Variants in NEU1 observed in about 807,000 individuals in gnomAD.
NEU1 encodes neuraminidase 1, also known as sialidase-1.
A neutral mutation model predicts 38.3 loss-of-function variants in NEU1; 32 were observed. That is an observed-to-expected ratio of 0.84 (90% CI 0.63 to 1.12). NEU1 has a LOEUF of 1.12. Among genes scored for constraint, NEU1 ranks in the 50% most tolerant of loss-of-function variants. The pLI, the probability that NEU1 is intolerant of heterozygous loss-of-function variation, is 0.00. For synonymous variants in NEU1, 192 were observed against 225.2 expected, an observed-to-expected ratio of 0.85 and a Z score of 1.32; for missense variants, 431 against 549.2, an observed-to-expected ratio of 0.78 and a Z score of 2.15.
chr6:31,860,983 A>G lies in NEU1; in HGVS notation c.615+205T>C. The G allele has an allele frequency of 1.5e-6, 1 of 687,222 alleles. No individual in the cohort carries two copies. The highest frequency in any genetic ancestry group is 2.4e-6 in the Non-Finnish European group (1 of 412,270). The allele number at this position is 687,222 out of a possible 1,614,324, so 42.6% of individuals were successfully genotyped here. A position where few individuals can be genotyped will look rare whatever the true frequency, so the allele number is the denominator to read the frequency against. On this transcript the variant is annotated intron_variant, in intron 3 of 5. Transcript: ENST00000375631. The surrounding 1 kb of genome is among the most constrained non-coding windows in gnomAD (Gnocchi z 4.8). ...TGCATGGACTAACGCAGTCCTGTTG[A>G]CAATGCCAAATGGGAAGCCAATGGC...
chr6:31,860,310 C>G lies in NEU1; in HGVS notation c.799-46G>C. The G allele has an allele frequency of 6.2e-7, 1 of 1,608,524 alleles. No homozygotes were observed. Among genetic ancestry groups the G allele is most frequent in the Non-Finnish European group, 8.5e-7 (1 of 1,175,476 alleles). ...CTCAGGGAGGGAACAGGGAAAATGC[C>G]CTGTCCCCGAGGGGAGCAAGGGTGT... On this transcript the variant is annotated intron_variant, in intron 4 of 5. Transcript: ENST00000375631. This position sits in a 1 kb window ranked among gnomAD's most constrained non-coding sequence, Gnocchi z 4.8.
Position 31,862,316 on chromosome 6 carries a change from G to A in NEU1, c.160-125C>T, listed in dbSNP as rs1581823965. The A allele has an allele frequency of 9.0e-7, 1 of 1,115,722 alleles. No individual in the cohort carries two copies. The highest frequency in any genetic ancestry group is 2.6e-5 in the East Asian group (1 of 39,126). The allele number at this position is 1,115,722 out of a possible 1,614,324, so 69.1% of individuals were successfully genotyped here. ...AGTAGGGGATGGGGTCCCAGAACAA[G>A]AAAGAGGAACACGAAGGGGAGTTTG... On this transcript the variant is annotated intron_variant, in intron 1 of 5. Coordinates refer to ENST00000375631, the MANE Select transcript of NEU1 (RefSeq NM_000434.4). This position sits in a 1 kb window ranked among gnomAD's most constrained non-coding sequence, Gnocchi z 6.3.
chr6:31,861,462 T>A lies in NEU1; in HGVS notation c.353-12A>T. ...AGACCATGTGCTGCCTGAAAAAAATTGGAGGAAGAAACCCAGAGTGAGCAC... is the reference window on the plus strand; with the variant it reads ...AGACCATGTGCTGCCTGAAAAAAATAGGAGGAAGAAACCCAGAGTGAGCAC... On this transcript the variant is annotated splice_polypyrimidine_tract_variant and intron_variant, in intron 2 of 5. Transcript: ENST00000375631. The A allele has an allele frequency of 6.2e-7, 1 of 1,612,680 alleles. No homozygotes were observed. Among genetic ancestry groups the A allele is most frequent in the Non-Finnish European group, 8.5e-7 (1 of 1,180,000 alleles).
rs1762571870 is a variant in NEU1 at position 31,862,636 on chromosome 6, A to T, written c.141T>A (p.Ala47=). 6.2e-7 allele frequency: 1 copy of T among 1,612,978 alleles called. No individual in the cohort carries two copies. The highest frequency in any genetic ancestry group is 1.1e-5 in the South Asian group (1 of 91,094). The change falls in exon 1 of 6, where the codon GCT becomes GCA. Residue 47 remains alanine (A), a synonymous_variant. Transcript: ENST00000375631. The surrounding 1 kb of genome is among the most constrained non-coding windows in gnomAD (Gnocchi z 6.3). ...GACTCACCAGACCGAAGTCGTTCTC[A>T]GCCTTGGACCAGGAGGCTGCCAGAG... ...LLSLAASWSK[A]ENDFGLVQPL...
In NEU1 at chr6:31,858,744, G is replaced by A. The variant is rs2151542726; in HGVS notation, c.*975C>T. 6.6e-6 allele frequency: 1 copy of A among 152,200 alleles called. No homozygotes were observed. Among genetic ancestry groups the A allele is most frequent in the African/African-American group, 2.4e-5 (1 of 41,522 alleles). 9.4% of individuals were successfully genotyped at this position (152,200 alleles called of 1,614,324 possible). The stretch of plus-strand genomic sequence containing the variant: ...TAAGAAGGAATGTAGGCTGGGTGCG[G>A]TGGCTCATAGCTGTAACCTCAGCAC... On this transcript the variant is annotated 3_prime_UTR_variant, in exon 6 of 6. Transcript: ENST00000375631.
At position 31,862,110 on chromosome 6, in the gene NEU1, G is replaced by C; in HGVS notation, c.241C>G (p.Leu81Val). ...IGSVDTFRIP[L>V]ITATPRGTLL... ...GTGCCCCGCGGAGTGGCTGTGATGAGCGGGATGCGGAAGGTGTCCACTGAG... is the reference window on the plus strand; with the variant it reads ...GTGCCCCGCGGAGTGGCTGTGATGACCGGGATGCGGAAGGTGTCCACTGAG... Residue 81 changes from leucine (L) to valine (V), a missense_variant, in exon 2 of 6, where the codon CTC becomes GTC. Transcript: ENST00000375631. This position sits in a 1 kb window ranked among gnomAD's most constrained non-coding sequence, Gnocchi z 6.3. The C allele has an allele frequency of 6.2e-7, 1 of 1,613,108 alleles. No homozygotes were observed. Among genetic ancestry groups the C allele is most frequent in the Non-Finnish European group, 8.5e-7 (1 of 1,180,038 alleles).
At position 31,860,021 on chromosome 6, in the gene NEU1, C is replaced by T. The variant is rs773358919; in HGVS notation, c.1021+21G>A. On this transcript the variant is annotated intron_variant, in intron 5 of 5. Transcript: ENST00000375631. The surrounding 1 kb of genome is among the most constrained non-coding windows in gnomAD (Gnocchi z 4.8). ...CTAGACACAGGGCTCTCCCTGCTGA[C>T]CCCACCCATGAGGCACTCACGGAAC... is the stretch of plus-strand genomic sequence containing the variant. The T allele has an allele frequency of 5.6e-5, 90 of 1,612,766 alleles. No homozygotes were observed. The highest frequency in any genetic ancestry group is 3.3e-4 in the Middle Eastern group (2 of 6,084).
rs1355390892 is a variant in NEU1 at position 31,862,552 on chromosome 6, C to G, written c.159+66G>C. ...GAAAGTCGGCTCAGCCGCCCGCGTT[C>G]CGGGGGACACTAGGTGTCGATCACC... On this transcript the variant is annotated intron_variant, in intron 1 of 5. Coordinates refer to ENST00000375631, the MANE Select transcript of NEU1 (RefSeq NM_000434.4). This position sits in a 1 kb window ranked among gnomAD's most constrained non-coding sequence, Gnocchi z 6.3. 7 of 1,609,712 alleles carry G rather than the reference C, an allele frequency of 4.3e-6. No individual in the cohort carries two copies. Among genetic ancestry groups the G allele is most frequent in the Non-Finnish European group, 5.9e-6 (7 of 1,177,286 alleles).
intron 2 of NEU1, 70 bp from the exon 3 acceptor site, chr6:31,861,520 AT>A: frequency 6.2e-7 from 1 of 1,604,428 alleles, no homozygotes. Context: ...CTTCCCGTTA[AT>A]TTCCCACCTT....
Position 31,862,330 on chromosome 6 carries a change from A to G in NEU1, c.160-139T>C. ...TCCCAGAACAAGAAAGAGGAACACG[A>G]AGGGGAGTTTGGAGCGAAGCTGGAG... On this transcript the variant is annotated intron_variant, in intron 1 of 5. Transcript: ENST00000375631. The surrounding 1 kb of genome is among the most constrained non-coding windows in gnomAD (Gnocchi z 6.3). 1.9e-6 allele frequency: 2 copies of G among 1,044,646 alleles called. No individual in the cohort carries two copies. Among genetic ancestry groups the G allele is most frequent in the South Asian group, 2.7e-5 (2 of 72,740 alleles). The allele number at this position is 1,044,646 out of a possible 1,614,324, so 64.7% of individuals were successfully genotyped here. A position where few individuals can be genotyped will look rare whatever the true frequency, so the allele number is the denominator to read the frequency against.
chr6:31,861,066 A>T, intron 3 of NEU1, 122 bp downstream of exon 3: 13 of 1,432,886 alleles, frequency 9.1e-6, no homozygotes, highest in Non-Finnish European at 1.3e-5. Flanking sequence ...CTTTCAAGGA[A>T]TCCCACCCAA....
chr6:31,862,623 C>G lies in NEU1; in HGVS notation c.154G>C (p.Gly52Arg), dbSNP rs762865001. 5.0e-6 allele frequency: 8 copies of G among 1,612,944 alleles called. No individual in the cohort carries two copies. Among genetic ancestry groups the G allele is most frequent in the African/African-American group, 1.3e-5 (1 of 74,920 alleles). Reference protein sequence around the residue: ...ASWSKAENDFGLVQPLVTMEQ... With the variant: ...ASWSKAENDFRLVQPLVTMEQ... ...CTATGCAAAGGGTGACTCACCAGAC[C>G]GAAGTCGTTCTCAGCCTTGGACCAG... The change falls in exon 1 of 6, where the codon GGT (glycine) becomes CGT (arginine). Residue 52 changes from glycine to arginine, a missense_variant. Coordinates refer to ENST00000375631, the MANE Select transcript of NEU1 (RefSeq NM_000434.4). The surrounding 1 kb of genome is among the most constrained non-coding windows in gnomAD (Gnocchi z 6.3).
In NEU1 at chr6:31,859,393, A is replaced by AT. The variant is rs1762414526; in HGVS notation, c.*325dup. 1 of 490,818 alleles carries AT rather than the reference A, an allele frequency of 2.0e-6. No individual in the cohort carries two copies. The highest frequency in any genetic ancestry group is 3.3e-5 in the Admixed American group (1 of 30,464). 30.4% of individuals were successfully genotyped at this position (490,818 alleles called of 1,614,324 possible). On this transcript the variant is annotated 3_prime_UTR_variant, in exon 6 of 6. Transcript: ENST00000375631. ...GCCTTCCCCAGTTCCCTGAGTTCAC[A>AT]TTGATTCAATTCTACAGCTCACTAG...
rs1762497008 is a variant in NEU1, at chr6:31,861,264, G to C, written c.539C>G (p.Ser180Cys). Residue 180 changes from serine (S) to cysteine (C), a missense_variant, in exon 3 of 6, where the codon TCC becomes TGC. Transcript: ENST00000375631. The part of the protein sequence containing the change: ...MLVWSKDDGV[S>C]WSTPRNLSLD... The stretch of plus-strand genomic sequence containing the variant: ...GGAGAGATTCCGGGGTGTGCTCCAG[G>C]AAACACCATCATCCTTGCTCCATAC... 6.2e-7 allele frequency: 1 copy of C among 1,612,874 alleles called. No homozygotes were observed. Among genetic ancestry groups the C allele is most frequent in the African/African-American group, 1.3e-5 (1 of 74,924 alleles).
Position 31,860,431 on chromosome 6 carries a change from C to T in NEU1, c.798+8G>A. On this transcript the variant is annotated splice_region_variant and intron_variant, in intron 4 of 5. Transcript: ENST00000375631. The surrounding 1 kb of genome is among the most constrained non-coding windows in gnomAD (Gnocchi z 4.8). ...AAATGGGTAGGGAACATCTCATGGA[C>T]TCCTGACCTGGCATTCATCAGGATT... The T allele has an allele frequency of 1.2e-6, 2 of 1,613,998 alleles. No homozygotes were observed. Among genetic ancestry groups the T allele is most frequent in the Non-Finnish European group, 1.7e-6 (2 of 1,179,968 alleles).
At position 31,859,756 on chromosome 6, in the gene NEU1, A is replaced by G; in HGVS notation, c.1211T>C (p.Ile404Thr). ...ATAGACACTGATTTTGGCCACGGAG[A>G]TGCTCTCTGTGTAGTGGTTCCGGCC... Reference protein sequence around the residue: ...EKGRNHYTESISVAKISVYGT... With the variant: ...EKGRNHYTESTSVAKISVYGT... The change falls in exon 6 of 6, where the codon ATC becomes ACC. Residue 404 changes from isoleucine to threonine, a missense_variant. Ile to Thr is a moderately conservative substitution (Grantham distance 89). Transcript: ENST00000375631. The G allele has an allele frequency of 6.2e-7, 1 of 1,612,962 alleles. No individual in the cohort carries two copies. The highest frequency in any genetic ancestry group is 1.7e-5 in the Admixed American group (1 of 60,016).
At position 31,860,219 on chromosome 6, in the gene NEU1, G is replaced by C. The variant is rs985891140; in HGVS notation, c.844C>G (p.Gln282Glu). The C allele has an allele frequency of 5.6e-6, 9 of 1,612,902 alleles. No individual in the cohort carries two copies. Among genetic ancestry groups the C allele is most frequent in the Non-Finnish European group, 7.6e-6 (9 of 1,180,030 alleles). The part of the protein sequence containing the change: ...DGSVVINARN[Q>E]NNYHCHCRIV... ...CGGCAGTGGCAGTGGTAGTTGTTCT[G>C]GTTTCGGGCATTGATGACGACTGAG... Residue 282 changes from glutamine (Q) to glutamate (E), a missense_variant, in exon 5 of 6, where the codon CAG (glutamine) becomes GAG (glutamate). Gln to Glu is a conservative substitution (Grantham distance 29). Coordinates refer to ENST00000375631, the MANE Select transcript of NEU1 (RefSeq NM_000434.4). This position sits in a 1 kb window ranked among gnomAD's most constrained non-coding sequence, Gnocchi z 4.8.
Position 31,860,315 on chromosome 6 carries a change from C to T in NEU1, c.799-51G>A. Reference sequence around the variant, plus strand: ...GGAGGGAACAGGGAAAATGCCCTGTCCCCGAGGGGAGCAAGGGTGTGTGGC... The same window carrying T: ...GGAGGGAACAGGGAAAATGCCCTGTTCCCGAGGGGAGCAAGGGTGTGTGGC... On this transcript the variant is annotated intron_variant, in intron 4 of 5. Coordinates refer to ENST00000375631, the MANE Select transcript of NEU1 (RefSeq NM_000434.4). This position sits in a 1 kb window ranked among gnomAD's most constrained non-coding sequence, Gnocchi z 4.8. The T allele has an allele frequency of 6.2e-7, 1 of 1,601,932 alleles. No homozygotes were observed. The highest frequency in any genetic ancestry group is 8.6e-7 in the Non-Finnish European group (1 of 1,169,382).
Position 31,862,184 on chromosome 6 carries a change from G to A in NEU1, c.167C>T (p.Pro56Leu). The change falls in exon 2 of 6, where the codon CCG (proline) becomes CTG (leucine). Residue 56 changes from proline (P) to leucine (L), a missense_variant. Transcript: ENST00000375631. The surrounding 1 kb of genome is among the most constrained non-coding windows in gnomAD (Gnocchi z 6.3). ...KAENDFGLVQ[P>L]LVTMEQLLWV... is the part of the protein sequence containing the mutation. ...CAGCAGTTGCTCCATGGTCACCAGC[G>A]GCTGCACCTGTCATGGGAGGAGGAA... 6.2e-7 allele frequency: 1 copy of A among 1,612,788 alleles called. No individual in the cohort carries two copies. The highest frequency in any genetic ancestry group is 8.5e-7 in the Non-Finnish European group (1 of 1,179,942).
Sources: gnomAD v4.1 joint callset for allele counts on GRCh38, gnomAD v4.1.1 for gene constraint, Gnocchi (gnomAD v3.1) non-coding constraint, MANE v1.5 for transcripts, NCBI Gene and HGNC (gene_info 2026-07-23, HGNC 2026-07-21) for gene names.